The following SMG6 variants were observed in gnomAD, a reference collection of about 807,000 sequenced individuals.
The protein encoded by SMG6 is telomerase-binding protein EST1A.
Under a neutral mutation model 142.2 loss-of-function variants are expected in SMG6, and 66 were observed. That is an observed-to-expected ratio of 0.46 (90% confidence interval 0.38 to 0.57). The LOEUF (loss-of-function observed/expected upper bound fraction) is 0.57, where lower values mean the gene tolerates loss of function less well. Among genes scored for constraint, SMG6 ranks in the 20% least tolerant of loss-of-function variants. SMG6 has a pLI of 0.00. For synonymous variants in SMG6, 779 were observed against 702.4 expected, an observed-to-expected ratio of 1.11 and a Z score of -1.72; for missense variants, 1,793 against 1,832.0, an observed-to-expected ratio of 0.98 and a Z score of 0.39.
chr17:2,127,231 A>G (rs1222577312), intron 13 of SMG6, among the ~76,000 whole-genome samples: 1 of 152,030 alleles, frequency 6.6e-6, no homozygotes, highest in Non-Finnish European at 1.5e-5. Context: ...TAGAAAGTAG[A>G]AGTTGCCAGG....
At chr17:2,274,010 C>A (rs1193014509) in intron 8 of SMG6, among the ~76,000 whole-genome samples, 3 of 152,180 alleles carry the variant, frequency 2.0e-5, no homozygotes, top group Non-Finnish European at 4.4e-5. Context: ...ATTTATGTAA[C>A]CATTTCTTCC....
chr17:2,168,543 T>A (rs1193916999), intron 13 of SMG6, among the ~76,000 whole-genome samples: 3 of 152,244 alleles, frequency 2.0e-5, no homozygotes, highest in South Asian at 4.1e-4. Context: ...AGGTTGGCCA[T>A]GGAAATGACC....
chr17:2,284,067 C>T (rs2074850613), intron 6 of SMG6, among the ~76,000 whole-genome samples: 1 of 152,196 alleles, frequency 6.6e-6, no homozygotes, highest in Admixed American at 6.5e-5. Context: ...TTTATATTTC[C>T]TGTTCTTATC....
At chr17:2,224,170 T>C (rs1038191777) in intron 10 of SMG6, among the ~76,000 whole-genome samples, 1 of 152,208 alleles carries the variant, frequency 6.6e-6, no homozygotes, top group African/African-American at 2.4e-5. Flanking sequence ...AGTGTGGCAT[T>C]ACAAACAGCC....
intron 10 of SMG6, among the ~76,000 whole-genome samples, chr17:2,208,683 G>A (rs999331281): frequency 6.6e-6 from 1 of 152,228 alleles, no homozygotes; most frequent in Non-Finnish European, 1.5e-5. Context: ...TCAAGGAGCT[G>A]AAGTCTAACA....
At chr17:2,100,315 G>A (rs1014077755) in intron 13 of SMG6, among the ~76,000 whole-genome samples, 2 of 152,302 alleles carry the variant, frequency 1.3e-5, no homozygotes, top group Non-Finnish European at 2.9e-5. Context: ...TCAAGTACAG[G>A]AGTGAGCCAC....
At chr17:2,064,807 T>C (rs1163083088) in intron 18 of SMG6, among the ~76,000 whole-genome samples, 4 of 151,840 alleles carry the variant, frequency 2.6e-5, no homozygotes, top group African/African-American at 9.7e-5. Context: ...AGGAAACGGA[T>C]GCATGCGGGG....
intron 9 of SMG6, chr17:2,237,309 C>G (rs2073689916): frequency 1.3e-5 from 2 of 158,566 alleles, no homozygotes. Context: ...CTCAAGTGAT[C>G]CACCTGCCTC....
chr17:2,075,029 G>T (rs1226725074), intron 15 of SMG6, among the ~76,000 whole-genome samples: 3 of 152,238 alleles, frequency 2.0e-5, no homozygotes, highest in Non-Finnish European at 4.4e-5. Context: ...TGGGTGGGAA[G>T]GGCGGATGCC....
chr17:2,067,236 A>G (rs1458167947), intron 16 of SMG6, among the ~76,000 whole-genome samples: 1 of 151,792 alleles, frequency 6.6e-6, no homozygotes, highest in East Asian at 1.9e-4. Flanking sequence ...TCCTTACTAA[A>G]CCCTAAGCTC....
intron 12 of SMG6, among the ~76,000 whole-genome samples, chr17:2,178,854 C>T (rs1160518384): frequency 2.6e-5 from 4 of 152,164 alleles, no homozygotes; most frequent in African/African-American, 4.8e-5. Context: ...CGGATTCTCA[C>T]GGTTCCTGCC....
At chr17:2,083,515 T>C (rs1304612991) in intron 14 of SMG6, among the ~76,000 whole-genome samples, 1 of 152,240 alleles carries the variant, frequency 6.6e-6, no homozygotes, top group Non-Finnish European at 1.5e-5. Flanking sequence ...GAACTGTCAC[T>C]ATCCTAAGAG....
intron 1 of SMG6, among the ~76,000 whole-genome samples, chr17:2,302,439 G>A (rs1264004636): frequency 6.6e-6 from 1 of 152,156 alleles, no homozygotes; most frequent in Non-Finnish European, 1.5e-5. Flanking sequence ...TACTGGGGAG[G>A]CTGAGGTAGG....
intron 14 of SMG6, among the ~76,000 whole-genome samples, chr17:2,083,303 T>G (rs1423557995): frequency 1.3e-5 from 2 of 152,078 alleles, no homozygotes; most frequent in African/African-American, 4.8e-5. Flanking sequence ...ATTACTCAGG[T>G]GGGTGGCTGG....
chr17:2,156,246 A>G (rs2070998931), intron 13 of SMG6, among the ~76,000 whole-genome samples: 1 of 151,176 alleles, frequency 6.6e-6, no homozygotes, highest in African/African-American at 2.4e-5. Flanking sequence ...AAAAAAAATT[A>G]GCCGGGCGTG....
chr17:2,111,569 G>A (rs1216996981), intron 13 of SMG6, among the ~76,000 whole-genome samples: 1 of 152,018 alleles, frequency 6.6e-6, no homozygotes, highest in Non-Finnish European at 1.5e-5. Flanking sequence ...CTGCCACCAC[G>A]CCTGGCTAAT....
chr17:2,298,831 C>G (rs919657570), intron 2 of SMG6, 75 bp downstream of exon 2: 1 of 1,427,334 alleles, frequency 7.0e-7, no homozygotes, highest in Non-Finnish European at 9.4e-7. Flanking sequence ...AAGTTTCTAC[C>G]TTCCTCAGCC....
In SMG6 at chr17:2,273,689, C is replaced by G. The variant is rs372556484; in HGVS notation, c.2661+8958G>C. Among the ~76,000 whole-genome samples, 8 of 152,080 alleles carry G rather than the reference C, an allele frequency of 5.3e-5. No individual in the cohort carries two copies. In the East Asian group the frequency reaches 9.7e-4, roughly 18 times the overall value. On this transcript the variant is annotated intron_variant, in intron 8 of 18. Transcript: ENST00000263073. ...GCGCACACCTATAATCCCAGCCACT[C>G]AGGAGGCTAAGGCACAAGAATCGCT...
chr17:2,144,049 CTTTTTTTTTTTTTTT>C (rs57316349), intron 13 of SMG6, among the ~76,000 whole-genome samples: 2 of 65,062 alleles, frequency 3.1e-5, no homozygotes, highest in Admixed American at 2.0e-4. Flanking sequence ...ACCACGGCCG[CTTTTTTTTTTTTTTT>C]TTTTTTTTTT....
Sources: gnomAD v4.1 joint callset for allele counts (sites outside exome capture counted in the v4.1 genomes callset) on GRCh38, gnomAD v4.1.1 for gene constraint, MANE v1.5 for transcripts, NCBI Gene and HGNC (gene_info 2026-07-23, HGNC 2026-07-21) for gene names.